Variants in BMPR2 observed in about 807,000 individuals in gnomAD.
The protein encoded by BMPR2 is bone morphogenetic protein receptor type-2.
A neutral mutation model predicts 100.8 loss-of-function variants in BMPR2; 29 were observed. That is an observed-to-expected ratio of 0.29 (90% CI 0.21 to 0.39). The LOEUF is 0.39. Ranked by LOEUF, BMPR2 falls within the 10% of genes least tolerant of loss-of-function variation. The pLI is 1.00. For synonymous variants in BMPR2, 382 were observed against 442.3 expected (o/e 0.86, Z 1.71); for missense variants, 1,011 against 1,274.5 (o/e 0.79, Z 3.15).
intron 1 of BMPR2, among the ~76,000 whole-genome samples, chr2:202,443,286 A>G (rs1036368810): frequency 1.3e-5 from 2 of 150,736 alleles, no homozygotes; most frequent in African/African-American, 2.5e-5. Context: ...ATTTTTTACA[A>G]TTCTTTTATA....
At chr2:202,543,846 A>T (rs1485019103) in intron 10 of BMPR2, among the ~76,000 whole-genome samples, 2 of 152,196 alleles carry the variant, frequency 1.3e-5, no homozygotes, top group Admixed American at 6.6e-5. Context: ...GCTTGGATTT[A>T]TAGGAAATAA....
intron 2 of BMPR2, among the ~76,000 whole-genome samples, chr2:202,465,802 G>A (rs1692308700): frequency 6.6e-6 from 1 of 151,896 alleles, no homozygotes; most frequent in Non-Finnish European, 1.5e-5. Flanking sequence ...GCAGTGAGCC[G>A]AGATCGCACC....
chr2:202,478,300 A>C (rs542247420), intron 3 of BMPR2, among the ~76,000 whole-genome samples: 1 of 152,328 alleles, frequency 6.6e-6, no homozygotes, highest in Admixed American at 6.5e-5. Flanking sequence ...TCATTCAGGC[A>C]TGAGTTATAG....
intron 3 of BMPR2, among the ~76,000 whole-genome samples, chr2:202,468,841 A>G (rs1692375994): frequency 6.6e-6 from 1 of 152,166 alleles, no homozygotes; most frequent in African/African-American, 2.4e-5. Context: ...CTTGTATAGG[A>G]CTGGAAGGAA....
intron 5 of BMPR2, among the ~76,000 whole-genome samples, chr2:202,517,822 T>C (rs1288199516): frequency 6.6e-6 from 1 of 151,160 alleles, no homozygotes; most frequent in Admixed American, 6.6e-5. Context: ...TTTTCTTTTT[T>C]TTTTTTTTGA....
chr2:202,511,446 C>G (rs1687621810), intron 3 of BMPR2, among the ~76,000 whole-genome samples: 2 of 152,164 alleles, frequency 1.3e-5, no homozygotes, highest in African/African-American at 2.4e-5. Flanking sequence ...ATTGCTGGGT[C>G]TTATGGTAAT....
At chr2:202,534,461 C>CT (rs971089222) in intron 9 of BMPR2, among the ~76,000 whole-genome samples, 7 of 151,730 alleles carry the variant, frequency 4.6e-5, no homozygotes, top group Admixed American at 3.3e-4. Context: ...GGTGATGACT[C>CT]TTAACGAGCA....
intron 1 of BMPR2, among the ~76,000 whole-genome samples, chr2:202,410,228 G>GC (rs1355541299): frequency 1.3e-5 from 2 of 151,862 alleles, no homozygotes; most frequent in Non-Finnish European, 2.9e-5. Flanking sequence ...CAAGTGATCC[G>GC]CCCGCCTCGG....
intron 3 of BMPR2, among the ~76,000 whole-genome samples, chr2:202,505,922 T>C (rs1687511872): frequency 6.6e-6 from 1 of 152,228 alleles, no homozygotes; most frequent in Admixed American, 6.5e-5. Flanking sequence ...CTGTTCGTCA[T>C]GGTTGCTAAT....
intron 11 of BMPR2, among the ~76,000 whole-genome samples, chr2:202,553,293 T>C (rs951398944): frequency 7.2e-5 from 11 of 152,152 alleles, no homozygotes; most frequent in Non-Finnish European, 1.5e-4. Context: ...CTTGCCTATC[T>C]AACCACTGTT....
intron 1 of BMPR2, among the ~76,000 whole-genome samples, chr2:202,397,245 A>G (rs1182652031): frequency 6.6e-6 from 1 of 152,208 alleles, no homozygotes; most frequent in Admixed American, 6.5e-5. Flanking sequence ...AGACACCACT[A>G]GGAAAAAAAC....
chr2:202,415,057 A>G (rs980912350), intron 1 of BMPR2, among the ~76,000 whole-genome samples: 8 of 152,132 alleles, frequency 5.3e-5, no homozygotes, highest in African/African-American at 1.9e-4. Flanking sequence ...GAAAACTGAG[A>G]GAGGTAAGGA....
intron 1 of BMPR2, among the ~76,000 whole-genome samples, chr2:202,429,727 C>A (rs572423023): frequency 1.3e-5 from 2 of 152,112 alleles, no homozygotes; most frequent in Non-Finnish European, 2.9e-5. Flanking sequence ...AGGAAACTTA[C>A]AATCGTGGCA....
Position 202,419,459 on chromosome 2 carries a change from C to T in BMPR2, c.76+41909C>T, listed in dbSNP as rs148968215. 3.1e-3 allele frequency among the ~76,000 whole-genome samples: 465 copies of T among 152,204 alleles called. 5 individuals carry two copies. Among genetic ancestry groups the T allele is most frequent in the Non-Finnish European group, 4.8e-3 (328 of 68,022 alleles). On this transcript the variant is annotated intron_variant, in intron 1 of 12. Coordinates refer to ENST00000374580, the MANE Select transcript of BMPR2 (RefSeq NM_001204.7). ...GCAACCTCTGCTGCCCAGGTTTAAG[C>T]GATTCTCTTGCCTTAGCCTCCTGAG...
intron 3 of BMPR2, among the ~76,000 whole-genome samples, chr2:202,487,829 C>T (rs1472678332): frequency 6.6e-6 from 1 of 152,134 alleles, no homozygotes; most frequent in Non-Finnish European, 1.5e-5. Context: ...GTTGGCCCCA[C>T]CCTCAAGATT....
intron 12 of BMPR2, 110 bp from the exon 13 acceptor site, chr2:202,559,586 T>G: frequency 8.4e-7 from 1 of 1,194,136 alleles, no homozygotes. Context: ...CAAGAAATGT[T>G]CATTAGCACC....
intron 5 of BMPR2, among the ~76,000 whole-genome samples, chr2:202,516,607 G>T (rs1382240149): frequency 6.6e-6 from 1 of 152,066 alleles, no homozygotes; most frequent in Non-Finnish European, 1.5e-5. Context: ...GAGCCCAAGA[G>T]GTAGAGGTTG....
chr2:202,555,486 C>T lies in BMPR2; in HGVS notation c.1821C>T (p.Ser607=), dbSNP rs1257947944. 2.5e-6 allele frequency: 4 copies of T among 1,613,914 alleles called. No homozygotes were observed. In the African/African-American group the frequency reaches 5.3e-5, roughly 22 times the overall value. ...CCAGCCCTGAAACAAGTGTCACCAG[C>T]CTCTCCACCAACACAACAACCACAA... The part of the protein sequence containing the change: ...RIPSPETSVT[S]LSTNTTTTNT... Residue 607 remains serine (S), a synonymous_variant, in exon 12 of 13, where the codon AGC becomes AGT. Coordinates refer to ENST00000374580, the MANE Select transcript of BMPR2 (RefSeq NM_001204.7).
intron 3 of BMPR2, among the ~76,000 whole-genome samples, chr2:202,504,060 G>A (rs1457777386): frequency 1.3e-5 from 2 of 151,994 alleles, no homozygotes; most frequent in Non-Finnish European, 1.5e-5. Context: ...TGGTGGGGAC[G>A]TGGAGAACCT....
Sources: allele counts gnomAD v4.1 joint callset (sites outside exome capture counted in the v4.1 genomes callset), GRCh38; gene constraint gnomAD v4.1.1; transcripts MANE v1.5; gene names NCBI Gene and HGNC (gene_info 2026-07-23, HGNC 2026-07-21).